The following LRP1B variants were observed in gnomAD, a reference collection of about 807,000 sequenced individuals.
LRP1B encodes LDL receptor related protein 1B.
A neutral mutation model predicts 556.6 loss-of-function variants in LRP1B; 217 were observed. That is an observed-to-expected ratio of 0.39 (90% CI 0.35 to 0.44). The LOEUF (loss-of-function observed/expected upper bound fraction) is 0.44, where lower values mean the gene tolerates loss of function less well. Ranked by LOEUF, LRP1B falls within the 20% of genes least tolerant of loss-of-function variation. LRP1B has a pLI of 1.00. For synonymous variants in LRP1B, 2,047 were observed against 1,865.8 expected, an observed-to-expected ratio of 1.10 and a Z score of -2.50; for missense variants, 5,053 against 5,620.8, an observed-to-expected ratio of 0.90 and a Z score of 3.23.
intron 1 of LRP1B, among the ~76,000 whole-genome samples, chr2:141,868,260 CAG>C (rs1698477748): frequency 2.0e-5 from 3 of 152,156 alleles, no homozygotes; most frequent in Non-Finnish European, 4.4e-5. Context: ...GTACATACCA[CAG>C]AGAGATGCCC....
At chr2:141,191,343 G>A (rs1371387211) in intron 6 of LRP1B, among the ~76,000 whole-genome samples, 4 of 151,902 alleles carry the variant, frequency 2.6e-5, no homozygotes, top group African/African-American at 9.7e-5. Context: ...TCCCCTAAAA[G>A]AGTTTCCTTC....
intron 16 of LRP1B, 93 bp downstream of exon 16, chr2:140,993,902 G>T (rs2105358381): frequency 1.6e-6 from 2 of 1,267,614 alleles, no homozygotes. Flanking sequence ...CTGCATCAAA[G>T]GTATTTTCAG....
At chr2:140,785,720 G>A (rs938106347) in intron 32 of LRP1B, among the ~76,000 whole-genome samples, 1 of 151,960 alleles carries the variant, frequency 6.6e-6, no homozygotes, top group South Asian at 2.1e-4. Context: ...TGTACAGTAG[G>A]TATTTCTACC....
chr2:140,322,534 T>C (rs956563982), intron 81 of LRP1B, among the ~76,000 whole-genome samples: 5 of 152,028 alleles, frequency 3.3e-5, no homozygotes, highest in Non-Finnish European at 1.5e-5. Context: ...CTTGTATTTA[T>C]TAATAAAAAG....
intron 32 of LRP1B, among the ~76,000 whole-genome samples, chr2:140,807,911 G>A (rs1690778905): frequency 6.6e-6 from 1 of 151,708 alleles, no homozygotes; most frequent in East Asian, 2.0e-4. Context: ...AGCCAACATG[G>A]TGAAACCCCG....
At chr2:140,908,698 ATTT>A (rs1412863016) in intron 21 of LRP1B, among the ~76,000 whole-genome samples, 1 of 152,092 alleles carries the variant, frequency 6.6e-6, no homozygotes, top group Non-Finnish European at 1.5e-5. Context: ...AATTTATAGA[ATTT>A]TTTTATTGTT....
intron 3 of LRP1B, among the ~76,000 whole-genome samples, chr2:141,405,035 G>A (rs1370579395): frequency 6.6e-6 from 1 of 152,076 alleles, no homozygotes; most frequent in Non-Finnish European, 1.5e-5. Context: ...AGAGCTTGAA[G>A]TGAGCAGAGA....
At chr2:141,168,628 A>AAT (rs1680366820) in intron 7 of LRP1B, among the ~76,000 whole-genome samples, 1 of 152,104 alleles carries the variant, frequency 6.6e-6, no homozygotes, top group Non-Finnish European at 1.5e-5. Flanking sequence ...TTTGCTCCAA[A>AAT]ATAGCAACTT....
intron 3 of LRP1B, among the ~76,000 whole-genome samples, chr2:141,364,295 G>A (rs929372024): frequency 3.9e-4 from 42 of 108,600 alleles, no homozygotes; most frequent in South Asian, 3.2e-3. Context: ...ACACACACAC[G>A]CAAACACACA....
intron 2 of LRP1B, among the ~76,000 whole-genome samples, chr2:141,578,314 T>C (rs2105274967): frequency 6.6e-6 from 1 of 151,828 alleles, no homozygotes; most frequent in African/African-American, 2.4e-5. Context: ...GGAAAATCAC[T>C]TGAACCCAGG....
At chr2:140,748,393 T>G in intron 35 of LRP1B, among the ~76,000 whole-genome samples, 1 of 92,476 alleles carries the variant, frequency 1.1e-5, no homozygotes, top group Non-Finnish European at 2.1e-5. Flanking sequence ...TCATATATTA[T>G]ATTCATATAT....
intron 16 of LRP1B, among the ~76,000 whole-genome samples, chr2:140,992,283 A>G (rs1026672622): frequency 3.9e-5 from 6 of 152,124 alleles, no homozygotes; most frequent in African/African-American, 1.4e-4. Flanking sequence ...TGGATTGAAG[A>G]GTGATGATAA....
intron 2 of LRP1B, among the ~76,000 whole-genome samples, chr2:141,565,404 T>C (rs895025863): frequency 6.6e-6 from 1 of 152,174 alleles, no homozygotes; most frequent in Non-Finnish European, 1.5e-5. Context: ...CTTGACATTA[T>C]AAGTGGAAAG....
rs1553485749 is a variant in LRP1B, at chr2:140,554,854, A to ATGTGTGTGTGTGTG, written c.7195-12897_7195-12884dup. Among the ~76,000 whole-genome samples the ATGTGTGTGTGTGTG allele has an allele frequency of 2.7e-5, 4 of 146,002 alleles. 1 individual carries two copies. Among genetic ancestry groups the ATGTGTGTGTGTGTG allele is most frequent in the Admixed American group, 1.4e-4 (2 of 14,366 alleles). ...CTGCTGCTTCTTTTAAAGTGTGTGTATGTGTGTGTGTGTGTGTGTGTGTGT... is the reference window on the plus strand; with the variant it reads ...CTGCTGCTTCTTTTAAAGTGTGTGTATGTGTGTGTGTGTGTGTGTGTGTGTGTGTGTGTGTGTGT... On this transcript the variant is annotated intron_variant, in intron 43 of 90. Coordinates refer to ENST00000389484, the MANE Select transcript of LRP1B (RefSeq NM_018557.3).
chr2:141,705,974 G>A (rs953725204), intron 2 of LRP1B, among the ~76,000 whole-genome samples: 1 of 151,772 alleles, frequency 6.6e-6, no homozygotes, highest in Non-Finnish European at 1.5e-5. Flanking sequence ...TAATAGATTC[G>A]ACTTCACCAT....
At chr2:141,659,386 T>G (rs2105392615) in intron 2 of LRP1B, among the ~76,000 whole-genome samples, 1 of 152,264 alleles carries the variant, frequency 6.6e-6, no homozygotes, top group Admixed American at 6.5e-5. Flanking sequence ...CCAATAAAAC[T>G]TTATTTATAA....
chr2:141,798,964 C>T (rs1342491511), intron 2 of LRP1B, among the ~76,000 whole-genome samples: 4 of 151,760 alleles, frequency 2.6e-5, no homozygotes, highest in African/African-American at 9.7e-5. Context: ...AGAGGGATAA[C>T]CCTGTGAAGA....
At chr2:141,598,052 G>A (rs774744051) in intron 2 of LRP1B, among the ~76,000 whole-genome samples, 6 of 150,530 alleles carry the variant, frequency 4.0e-5, no homozygotes, top group Non-Finnish European at 7.4e-5. Context: ...AGAAGCTCAC[G>A]GGAAATTTAC....
At chr2:141,086,044 C>A (rs1700039994) in intron 7 of LRP1B, among the ~76,000 whole-genome samples, 1 of 152,198 alleles carries the variant, frequency 6.6e-6, no homozygotes, top group African/African-American at 2.4e-5. Flanking sequence ...GAGGAAGCAT[C>A]AGGTCTGCTT....
Sources: gnomAD v4.1 joint callset for allele counts (sites outside exome capture counted in the v4.1 genomes callset) on GRCh38, gnomAD v4.1.1 for gene constraint, MANE v1.5 for transcripts, NCBI Gene and HGNC (gene_info 2026-07-23, HGNC 2026-07-21) for gene names.